The following NBAS variants were observed in gnomAD, a reference collection of about 807,000 sequenced individuals.
NBAS encodes NBAS subunit of NRZ tethering complex.
A neutral mutation model predicts 302.5 loss-of-function variants in NBAS; 219 were observed. The observed-to-expected ratio is 0.72, with a 90% CI of 0.65 to 0.81. The LOEUF (loss-of-function observed/expected upper bound fraction) is 0.81, where lower values mean the gene tolerates loss of function less well. NBAS is among the 30% of genes least tolerant of loss of function. The pLI, the probability that NBAS is intolerant of heterozygous loss-of-function variation, is 0.00. For synonymous variants in NBAS, 1,118 were observed against 1,021.6 expected, an observed-to-expected ratio of 1.09 and a Z score of -1.80; for missense variants, 2,932 against 2,841.6, an observed-to-expected ratio of 1.03 and a Z score of -0.72.
chr2:15,227,997 T>A (rs1021837894), intron 47 of NBAS, among the ~76,000 whole-genome samples: 9 of 151,960 alleles, frequency 5.9e-5, no homozygotes, highest in African/African-American at 2.2e-4. Flanking sequence ...TGGAATTACA[T>A]CAAACTAAAA....
chr2:15,035,230 G>A, the NBAS span, among the ~76,000 whole-genome samples: 29 of 151,624 alleles, frequency 1.9e-4, no homozygotes, highest in East Asian at 5.5e-3. Flanking sequence ...CTGAGAAGTG[G>A]GATTGCTGGG....
At chr2:15,179,422 A>G (rs1019987307) in intron 50 of NBAS, 2 of 330,894 alleles carry the variant, frequency 6.0e-6, no homozygotes, top group Non-Finnish European at 1.1e-5. Context: ...TCACAGCCCT[A>G]ATTTCCTCAT....
At chr2:14,905,529 T>C in the NBAS span, among the ~76,000 whole-genome samples, 1 of 152,160 alleles carries the variant, frequency 6.6e-6, no homozygotes, top group African/African-American at 2.4e-5. Context: ...TTGCTCTCTG[T>C]GGACTCCTCA....
the NBAS span, among the ~76,000 whole-genome samples, chr2:14,938,097 C>A: frequency 6.6e-6 from 1 of 151,824 alleles, no homozygotes; most frequent in Non-Finnish European, 1.5e-5. Context: ...CACTGCACTC[C>A]AGCCTGGGTG....
In NBAS at chr2:15,379,850, T is replaced by C. The variant is rs201607999; in HGVS notation, c.3361-19A>G. 6.7e-4 allele frequency: 1,072 copies of C among 1,598,988 alleles called. 1 individual carries two copies. The highest frequency in any genetic ancestry group is 8.2e-4 in the Non-Finnish European group (952 of 1,166,314). ...TAAATATCTGGAAAAAAGGAGAAAC[T>C]GGAATTAGTTATAGAGAGGGAAGAT... is the stretch of plus-strand genomic sequence containing the variant. On this transcript the variant is annotated intron_variant, in intron 29 of 51. Transcript: ENST00000281513.
chr2:14,922,555 A>C, the NBAS span, among the ~76,000 whole-genome samples: 1 of 152,114 alleles, frequency 6.6e-6, no homozygotes, highest in Non-Finnish European at 1.5e-5. Flanking sequence ...CTGTGCATGC[A>C]CATCCCTGGC....
intron 9 of NBAS, among the ~76,000 whole-genome samples, chr2:15,529,283 T>C (rs1430802484): frequency 6.6e-6 from 1 of 152,098 alleles, no homozygotes; most frequent in Non-Finnish European, 1.5e-5. Flanking sequence ...GTAGATTGCT[T>C]GAGCTCAGGA....
chr2:14,864,254 G>A, the NBAS span, among the ~76,000 whole-genome samples: 5 of 150,780 alleles, frequency 3.3e-5, no homozygotes, highest in Non-Finnish European at 7.4e-5. Context: ...GAGGTAGGAG[G>A]AGGTTGTAGT....
intron 44 of NBAS, among the ~76,000 whole-genome samples, chr2:15,246,559 A>G (rs1040300340): frequency 3.9e-5 from 6 of 152,242 alleles, no homozygotes; most frequent in Non-Finnish European, 8.8e-5. Context: ...AGAATGCTCC[A>G]AAATTACCCA....
chr2:15,420,017 T>C (rs896574894), intron 23 of NBAS, among the ~76,000 whole-genome samples: 5 of 152,168 alleles, frequency 3.3e-5, no homozygotes, highest in African/African-American at 9.7e-5. Flanking sequence ...CAGCCAACGA[T>C]GATATTTGAC....
chr2:15,280,875 C>T (rs886581087), intron 42 of NBAS, among the ~76,000 whole-genome samples: 2 of 152,198 alleles, frequency 1.3e-5, no homozygotes, highest in Non-Finnish European at 2.9e-5. Flanking sequence ...AACATCTTAG[C>T]ACATAAATGC....
the NBAS span, among the ~76,000 whole-genome samples, chr2:14,937,335 G>C: frequency 6.6e-6 from 1 of 152,206 alleles, no homozygotes; most frequent in African/African-American, 2.4e-5. Context: ...TCTGAGTCCT[G>C]TGAGACAGAA....
chr2:15,016,792 C>G, the NBAS span, among the ~76,000 whole-genome samples: 2 of 152,078 alleles, frequency 1.3e-5, no homozygotes, highest in East Asian at 3.9e-4. Context: ...ACCAATGGAA[C>G]AGAATAGAGA....
At chr2:15,438,459 T>C (rs1192851983) in intron 21 of NBAS, among the ~76,000 whole-genome samples, 1 of 152,080 alleles carries the variant, frequency 6.6e-6, no homozygotes, top group East Asian at 1.9e-4. Flanking sequence ...CAATGAAGTA[T>C]GGAGTAACAG....
chr2:15,532,488 CAAAAA>C (rs896529713), intron 9 of NBAS, among the ~76,000 whole-genome samples: 1 of 47,804 alleles, frequency 2.1e-5, no homozygotes, highest in Non-Finnish European at 5.5e-5. Flanking sequence ...GACTCCATCT[CAAAAA>C]AAAAAAAAAA....
chr2:15,554,701 T>C (rs548517319), intron 3 of NBAS, among the ~76,000 whole-genome samples: 13 of 150,716 alleles, frequency 8.6e-5, no homozygotes, highest in Admixed American at 6.0e-4. Flanking sequence ...CTCAAATGAC[T>C]GCACCAGGTC....
intron 35 of NBAS, among the ~76,000 whole-genome samples, chr2:15,337,409 T>A (rs1486784259): frequency 6.6e-6 from 1 of 151,686 alleles, no homozygotes; most frequent in Non-Finnish European, 1.5e-5. Flanking sequence ...ACTAAAGAAC[T>A]TACTCATGTA....
intron 26 of NBAS, chr2:15,397,466 G>T: frequency 2.0e-6 from 1 of 504,320 alleles, no homozygotes. Context: ...TTGTGGGGCA[G>T]CACCCGCAGG....
chr2:14,802,745 T>C, the NBAS span, among the ~76,000 whole-genome samples: 1 of 147,362 alleles, frequency 6.8e-6, no homozygotes, highest in Non-Finnish European at 1.5e-5. Flanking sequence ...TGTAGGGACA[T>C]GGATGAAATT....
Sources: allele counts gnomAD v4.1 joint callset (sites outside exome capture counted in the v4.1 genomes callset), GRCh38; gene constraint gnomAD v4.1.1; transcripts MANE v1.5; gene names NCBI Gene and HGNC (gene_info 2026-07-23, HGNC 2026-07-21).